Variants in RPS6KA2 observed in about 807,000 individuals in gnomAD.
RPS6KA2 encodes the protein ribosomal protein S6 kinase A2.
In RPS6KA2, 42 loss-of-function variants were observed where a neutral mutation model predicts 91.8. That is an observed-to-expected ratio of 0.46 (90% CI 0.36 to 0.59). The LOEUF (loss-of-function observed/expected upper bound fraction) is 0.59. Ranked by LOEUF, RPS6KA2 falls within the 20% of genes least tolerant of loss-of-function variation. The pLI, the probability that RPS6KA2 is intolerant of heterozygous loss-of-function variation, is 0.00. For synonymous variants in RPS6KA2, 414 were observed against 393.6 expected (o/e 1.05, Z -0.61); for missense variants, 798 against 978.5 (o/e 0.82, Z 2.46).
At chr6:166,830,269 T>G (rs1295157417) in intron 2 of RPS6KA2, among the ~76,000 whole-genome samples, 1 of 152,224 alleles carries the variant, frequency 6.6e-6, no homozygotes, top group Admixed American at 6.5e-5. Flanking sequence ...TGTGTGATTC[T>G]GCTTACATGA....
At chr6:166,670,463 G>A (rs1474367324) in intron 2 of RPS6KA2, among the ~76,000 whole-genome samples, 1 of 152,188 alleles carries the variant, frequency 6.6e-6, no homozygotes. Context: ...ATGCCAGTAA[G>A]TTTGGGGGTA....
At chr6:166,858,968 C>G (rs929652218) in intron 1 of RPS6KA2, among the ~76,000 whole-genome samples, 70 of 145,578 alleles carry the variant, frequency 4.8e-4, no homozygotes, top group South Asian at 1.2e-3. Flanking sequence ...GAGAGCTCCA[C>G]GGAAGAACAC....
intron 2 of RPS6KA2, among the ~76,000 whole-genome samples, chr6:166,745,431 T>G (rs1447933501): frequency 6.6e-6 from 1 of 152,168 alleles, no homozygotes; most frequent in Non-Finnish European, 1.5e-5. Flanking sequence ...GGATTCCAGG[T>G]GTGAGCCACT....
intron 2 of RPS6KA2, among the ~76,000 whole-genome samples, chr6:166,634,354 C>T (rs993557734): frequency 6.6e-6 from 1 of 152,172 alleles, no homozygotes; most frequent in Non-Finnish European, 1.5e-5. Flanking sequence ...GAAATGGGGC[C>T]GGACGTTTCC....
In RPS6KA2 at chr6:166,702,797, G is replaced by A. The variant is rs1562391611; in HGVS notation, c.123+155403C>T. 2.8e-5 allele frequency: 30 copies of A among 1,084,602 alleles called. No individual in the cohort carries two copies. In the East Asian group the frequency reaches 7.1e-4, roughly 26 times the overall value. The allele number at this position is 1,084,602 out of a possible 1,614,324, so 67.2% of individuals were successfully genotyped here. A position where few individuals can be genotyped will look rare whatever the true frequency, so the allele number is the denominator to read the frequency against. ...TTCAAGATACCTTCTAGGTCCAAGGGGGCGGCGTTCTCGCTGAGGTTTCTG... is the reference window on the plus strand; with the variant it reads ...TTCAAGATACCTTCTAGGTCCAAGGAGGCGGCGTTCTCGCTGAGGTTTCTG... On this transcript the variant is annotated intron_variant, in intron 2 of 21. Transcript: ENST00000503859.
At chr6:166,754,690 C>T (rs888763626) in intron 2 of RPS6KA2, among the ~76,000 whole-genome samples, 1 of 152,162 alleles carries the variant, frequency 6.6e-6, no homozygotes, top group Non-Finnish European at 1.5e-5. Flanking sequence ...TCTCCAGGGC[C>T]AGCAAGCCTC....
intron 2 of RPS6KA2, among the ~76,000 whole-genome samples, chr6:166,744,784 G>A (rs541275003): frequency 2.2e-4 from 34 of 152,246 alleles, no homozygotes; most frequent in African/African-American, 8.2e-4. Context: ...CGGTGGGGTC[G>A]CGAGCCTGCA....
chr6:166,834,494 A>C (rs1277036836), intron 2 of RPS6KA2, among the ~76,000 whole-genome samples: 1 of 152,208 alleles, frequency 6.6e-6, no homozygotes, highest in Admixed American at 6.5e-5. Flanking sequence ...AGAGAGAATC[A>C]GAAAAAAATA....
In RPS6KA2 at chr6:166,441,197, A is replaced by G. The variant is rs527915476; in HGVS notation, c.1332+7527T>C. 3.9e-5 allele frequency among the ~76,000 whole-genome samples: 6 copies of G among 152,126 alleles called. No individual in the cohort carries two copies. The South Asian group carries it at 1.0e-3, about 26-fold the overall frequency. ...TTCTTTTCTATTTTCTATTTTATTT[A>G]ACTGCTCCTAGTCCCGGCCTCTGTG... On this transcript the variant is annotated intron_variant, in intron 14 of 20. Coordinates refer to ENST00000265678, the MANE Select transcript of RPS6KA2 (RefSeq NM_021135.6).
At chr6:166,696,052 C>A (rs952449394) in intron 2 of RPS6KA2, among the ~76,000 whole-genome samples, 1 of 152,202 alleles carries the variant, frequency 6.6e-6, no homozygotes, top group Non-Finnish European at 1.5e-5. Context: ...TGCACTCCCC[C>A]CTCTTCCACG....
intron 2 of RPS6KA2, chr6:166,702,654 T>C (rs909735096): frequency 9.0e-5 from 141 of 1,571,878 alleles, no homozygotes; most frequent in Non-Finnish European, 1.2e-4. Flanking sequence ...TCCCGTGCAG[T>C]TCTATTTTAC....
intron 2 of RPS6KA2, among the ~76,000 whole-genome samples, chr6:166,850,950 C>T (rs567905101): frequency 6.6e-6 from 1 of 152,248 alleles, no homozygotes; most frequent in South Asian, 2.1e-4. Flanking sequence ...AATCTGCCCC[C>T]ATTGTTGAGT....
intron 2 of RPS6KA2, among the ~76,000 whole-genome samples, chr6:166,817,587 G>T (rs1779800464): frequency 6.6e-6 from 1 of 152,150 alleles, no homozygotes; most frequent in Non-Finnish European, 1.5e-5. Context: ...CCACAGAAAG[G>T]TTGAAAGAAT....
At chr6:166,682,127 A>G (rs1354334655) in intron 2 of RPS6KA2, among the ~76,000 whole-genome samples, 2 of 152,226 alleles carry the variant, frequency 1.3e-5, no homozygotes, top group Non-Finnish European at 2.9e-5. Flanking sequence ...AAGGAATGTG[A>G]TGTTGAAATA....
At chr6:166,819,320 T>TA (rs2128622696) in intron 2 of RPS6KA2, among the ~76,000 whole-genome samples, 1 of 152,276 alleles carries the variant, frequency 6.6e-6, no homozygotes, top group East Asian at 1.9e-4. Flanking sequence ...ACATGAAAGG[T>TA]AGCATTACAC....
chr6:166,634,472 CTTTT>C (rs1254636788), intron 2 of RPS6KA2, among the ~76,000 whole-genome samples: 1 of 152,186 alleles, frequency 6.6e-6, no homozygotes, highest in African/African-American at 2.4e-5. Context: ...AATCGCTGAG[CTTTT>C]ACACAGTTCA....
chr6:166,444,665 C>A (rs534082281), intron 14 of RPS6KA2, among the ~76,000 whole-genome samples: 5 of 152,188 alleles, frequency 3.3e-5, no homozygotes, highest in Admixed American at 2.6e-4. Flanking sequence ...TCTTCCCGCC[C>A]GAGGCCGGAC....
chr6:166,833,387 T>C (rs1326447192), intron 2 of RPS6KA2, among the ~76,000 whole-genome samples: 1 of 152,264 alleles, frequency 6.6e-6, no homozygotes, highest in African/African-American at 2.4e-5. Flanking sequence ...TTTATGTTTT[T>C]CTAAGTCAGA....
At chr6:166,525,728 C>T (rs919568235) in intron 3 of RPS6KA2, among the ~76,000 whole-genome samples, 6 of 152,210 alleles carry the variant, frequency 3.9e-5, no homozygotes, top group South Asian at 2.1e-4. Flanking sequence ...CTTCCCTGGA[C>T]GGCCGCCTGG....
Sources: allele counts gnomAD v4.1 joint callset (sites outside exome capture counted in the v4.1 genomes callset), GRCh38; gene constraint gnomAD v4.1.1; transcripts MANE v1.5; gene names NCBI Gene and HGNC (gene_info 2026-07-23, HGNC 2026-07-21).